THUMPD1: variants seen among roughly 807,000 people sequenced by gnomAD.
THUMPD1 encodes THUMP domain-containing protein 1.
In THUMPD1, 31 loss-of-function variants were observed where a neutral mutation model predicts 31.6. That is an observed-to-expected ratio of 0.98 (90% CI 0.74 to 1.32). THUMPD1 has a LOEUF of 1.32. Ranked by LOEUF, THUMPD1 falls within the 40% of genes most tolerant of loss-of-function variation. The pLI, the probability that THUMPD1 is intolerant of heterozygous loss-of-function variation, is 0.00. For synonymous variants in THUMPD1, 166 were observed against 158.2 expected (o/e 1.05, Z -0.37); for missense variants, 446 against 427.8 (o/e 1.04, Z -0.38).
At chr16:20,740,166 G>A (rs1315940904) in intron 1 of THUMPD1, among the ~76,000 whole-genome samples, 1 of 152,180 alleles carries the variant, frequency 6.6e-6, no homozygotes, top group African/African-American at 2.4e-5. Flanking sequence ...GCAGAGGTGG[G>A]CGGATCCCTT....
intron 1 of THUMPD1, among the ~76,000 whole-genome samples, chr16:20,739,623 C>T (rs1403535875): frequency 6.6e-6 from 1 of 151,924 alleles, no homozygotes; most frequent in Non-Finnish European, 1.5e-5. Flanking sequence ...AAGTTCGAGA[C>T]CAGCCTAGCC....
At chr16:20,740,005 G>A (rs964867434) in intron 1 of THUMPD1, among the ~76,000 whole-genome samples, 3 of 152,140 alleles carry the variant, frequency 2.0e-5, no homozygotes, top group Admixed American at 6.5e-5. Context: ...TGCCTCACAC[G>A]ACACTGTCCT....
Position 20,736,685 on chromosome 16 carries a change from ACGT to A in THUMPD1, c.*192_*194del, listed in dbSNP as rs2079872531. On this transcript the variant is annotated 3_prime_UTR_variant, in exon 4 of 4. Transcript: ENST00000396083. Reference sequence around the variant, plus strand: ...AACAGCAGCACATGGGTCTGCCTCTACGTAATACCATAAAGGCTGAAAGATCCC... The same window carrying A: ...AACAGCAGCACATGGGTCTGCCTCTAAATACCATAAAGGCTGAAAGATCCC... The A allele has an allele frequency of 1.7e-5, 10 of 604,396 alleles. No individual in the cohort carries two copies. Among genetic ancestry groups the A allele is most frequent in the South Asian group, 1.1e-4 (5 of 45,992 alleles). The allele number at this position is 604,396 out of a possible 1,614,324, so 37.4% of individuals were successfully genotyped here.
chr16:20,736,402 A>G lies in THUMPD1; in HGVS notation c.*478T>C, dbSNP rs977702448. 3 of 152,120 alleles carry G rather than the reference A, an allele frequency of 2.0e-5. No individual in the cohort carries two copies. The highest frequency in any genetic ancestry group is 7.3e-5 in the African/African-American group (3 of 41,282). The allele number at this position is 152,120 out of a possible 1,614,324, so 9.4% of individuals were successfully genotyped here. ...TTAAAAAAAAAAAAAAAAAACAGAC[A>G]TAAACAAGAAAATCACAAAAGTACA... On this transcript the variant is annotated 3_prime_UTR_variant, in exon 4 of 4. Coordinates refer to ENST00000396083, the MANE Select transcript of THUMPD1 (RefSeq NM_017736.5).
Position 20,736,854 on chromosome 16 carries a change from A to G in THUMPD1, c.*26T>C. The G allele has an allele frequency of 6.2e-7, 1 of 1,604,484 alleles. No homozygotes were observed. Among genetic ancestry groups the G allele is most frequent in the Non-Finnish European group, 8.5e-7 (1 of 1,174,144 alleles). On this transcript the variant is annotated 3_prime_UTR_variant, in exon 4 of 4. Coordinates refer to ENST00000396083, the MANE Select transcript of THUMPD1 (RefSeq NM_017736.5). Reference sequence around the variant, plus strand: ...CATCTCGTAGAGCCCCAGGTGAGAAACCCACCTCCAACACCAAATGACTTC... The same window carrying G: ...CATCTCGTAGAGCCCCAGGTGAGAAGCCCACCTCCAACACCAAATGACTTC...
chr16:20,733,872 C>T lies in THUMPD1; in HGVS notation c.*3008G>A, dbSNP rs1241269479. The T allele has an allele frequency of 6.6e-6, 1 of 151,932 alleles. No individual in the cohort carries two copies. The highest frequency in any genetic ancestry group is 2.4e-5 in the African/African-American group (1 of 41,380). 9.4% of individuals were successfully genotyped at this position (151,932 alleles called of 1,614,324 possible). On this transcript the variant is annotated 3_prime_UTR_variant, in exon 4 of 4. Transcript: ENST00000396083. Reference sequence around the variant, plus strand: ...ACAAGTTTTCTAAACCATAAGACTGCAGTTTTTTTATTTTTTTAACTGACG... The same window carrying T: ...ACAAGTTTTCTAAACCATAAGACTGTAGTTTTTTTATTTTTTTAACTGACG...
At chr16:20,738,273 TAAC>T (rs1263531331) in intron 2 of THUMPD1, 1 of 450,900 alleles carries the variant, frequency 2.2e-6, no homozygotes, top group South Asian at 1.6e-5. Flanking sequence ...TGTTTTCCTG[TAAC>T]AACAGAGTAC....
chr16:20,737,341 G>A (rs2152417293), intron 3 of THUMPD1, 55 bp from the exon 4 acceptor site: 1 of 1,512,274 alleles, frequency 6.6e-7, no homozygotes, highest in Admixed American at 2.2e-5. Context: ...ACATCTGATA[G>A]ATACAAAAAA....
At chr16:20,738,055 G>A (rs1012344991) in intron 2 of THUMPD1, 99 bp from the exon 3 acceptor site, 1 of 1,145,092 alleles carries the variant, frequency 8.7e-7, no homozygotes, top group Admixed American at 2.2e-5. Context: ...GTTGACAGAA[G>A]AAATTCTCAT....
rs760142974 is a variant in THUMPD1, at chr16:20,737,301, G to C, written c.656-15C>G. The C allele has an allele frequency of 6.3e-7, 1 of 1,592,534 alleles. No individual in the cohort carries two copies. The highest frequency in any genetic ancestry group is 1.8e-5 in the Admixed American group (1 of 56,744). ...GCACACTATTCCTGTAACAAAAACAGAAAAACACATAGCTGAGGAGGATAC... is the reference window on the plus strand; with the variant it reads ...GCACACTATTCCTGTAACAAAAACACAAAAACACATAGCTGAGGAGGATAC... On this transcript the variant is annotated splice_polypyrimidine_tract_variant and intron_variant, in intron 3 of 3. Coordinates refer to ENST00000396083, the MANE Select transcript of THUMPD1 (RefSeq NM_017736.5).
intron 2 of THUMPD1, 127 bp downstream of exon 2, chr16:20,738,770 T>A: frequency 1.8e-6 from 2 of 1,089,040 alleles, no homozygotes; most frequent in Non-Finnish European, 1.4e-6. Context: ...TAATACAGTG[T>A]ACAGAAGCTG....
chr16:20,738,463 T>C (rs767403703), intron 2 of THUMPD1, among the ~76,000 whole-genome samples: 5 of 152,200 alleles, frequency 3.3e-5, no homozygotes, highest in Non-Finnish European at 7.3e-5. Context: ...AGGCTGCAAC[T>C]TGCCTACATA....
Position 20,735,515 on chromosome 16 carries a change from T to C in THUMPD1, c.*1365A>G, listed in dbSNP as rs2079861549. On this transcript the variant is annotated 3_prime_UTR_variant, in exon 4 of 4. Transcript: ENST00000396083. ...GTGGAGAAAGCAGTGTGCTATAATG[T>C]CAACATCAGGATTTCTTTTTTTTTT... 1 of 151,894 alleles carries C rather than the reference T, an allele frequency of 6.6e-6. No homozygotes were observed. Among genetic ancestry groups the C allele is most frequent in the African/African-American group, 2.4e-5 (1 of 41,290 alleles). 9.4% of individuals were successfully genotyped at this position (151,894 alleles called of 1,614,324 possible). A position where few individuals can be genotyped will look rare whatever the true frequency, so the allele number is the denominator to read the frequency against.
At position 20,737,222 on chromosome 16, in the gene THUMPD1, T is replaced by C. The variant is rs925784946; in HGVS notation, c.720A>G (p.Val240=). The C allele has an allele frequency of 9.9e-6, 16 of 1,614,098 alleles. No homozygotes were observed. The highest frequency in any genetic ancestry group is 6.7e-5 in the African/African-American group (5 of 74,946). The change falls in exon 4 of 4, where the codon GTA becomes GTG. Residue 240 remains valine (V), a synonymous_variant. Transcript: ENST00000396083. Reference sequence around the variant, plus strand: ...AACAGACAGCTTTGATGATTTCTACTACCACTGTGTACTGTGGATTGGTGA... The same window carrying C: ...AACAGACAGCTTTGATGATTTCTACCACCACTGTGTACTGTGGATTGGTGA... The part of the protein sequence containing the change: ...VDLTNPQYTV[V]VEIIKAVCCL...
chr16:20,738,869 C>T (rs781673665), intron 2 of THUMPD1, 28 bp downstream of exon 2: 3 of 1,609,512 alleles, frequency 1.9e-6, no homozygotes, highest in East Asian at 2.2e-5. Flanking sequence ...GTTATGAGAT[C>T]GATAATCTTA....
At chr16:20,741,481 G>GGGGGGGGGGGGCGCGCGGGC in intron 1 of THUMPD1, 28 bp downstream of exon 1, 1 of 1,308,414 alleles carries the variant, frequency 7.6e-7, no homozygotes, top group Non-Finnish European at 9.9e-7. Flanking sequence ...CTGGCAGCCG[G>GGGGGGGGGGGGCGCGCGGGC]CCCGCCCGCC....
At position 20,741,480 on chromosome 16, in the gene THUMPD1, G is replaced by C. The variant is rs201553668; in HGVS notation, c.231+29C>G. ...CCTCCTCCCGCAAGGCCTGGCAGCC[G>C]GCCCGCCCGCCCACCCCGGGACCGG... On this transcript the variant is annotated intron_variant, in intron 1 of 3. Coordinates refer to ENST00000396083, the MANE Select transcript of THUMPD1 (RefSeq NM_017736.5). The C allele has an allele frequency of 2.9e-5, 39 of 1,340,420 alleles. 2 individuals carry two copies. The East Asian group carries it at 9.4e-4, about 32-fold the overall frequency. The allele number at this position is 1,340,420 out of a possible 1,614,324, so 83.0% of individuals were successfully genotyped here. A position where few individuals can be genotyped will look rare whatever the true frequency, so the allele number is the denominator to read the frequency against.
chr16:20,738,835 C>T (rs2152419190), intron 2 of THUMPD1, 62 bp downstream of exon 2: 1 of 1,572,220 alleles, frequency 6.4e-7, no homozygotes, highest in East Asian at 2.2e-5. Flanking sequence ...AGCAGTATTC[C>T]CTGAGACAGG....
rs2079845162 is a variant in THUMPD1, at chr16:20,733,678, ATTTAT to A, written c.*3197_*3201del. The stretch of plus-strand genomic sequence containing the variant: ...TAGAACACCAATTTTTAGGGAACAA[ATTTAT>A]TTTGATTTTTCTGAAAATATCAGGA... On this transcript the variant is annotated 3_prime_UTR_variant, in exon 4 of 4. Coordinates refer to ENST00000396083, the MANE Select transcript of THUMPD1 (RefSeq NM_017736.5). 2 of 152,038 alleles carry A rather than the reference ATTTAT, an allele frequency of 1.3e-5. No homozygotes were observed. The highest frequency in any genetic ancestry group is 1.3e-4 in the Admixed American group (2 of 15,256). The allele number at this position is 152,038 out of a possible 1,614,324, so 9.4% of individuals were successfully genotyped here.
Sources: allele counts gnomAD v4.1 joint callset (sites outside exome capture counted in the v4.1 genomes callset), GRCh38; gene constraint gnomAD v4.1.1; transcripts MANE v1.5; gene names NCBI Gene and HGNC (gene_info 2026-07-23, HGNC 2026-07-21).